The following SYTL2 variants were observed in gnomAD, a reference collection of about 807,000 sequenced individuals.
SYTL2 encodes synaptotagmin-like protein 2.
In SYTL2, 165 loss-of-function variants were observed where a neutral mutation model predicts 198.7. The observed-to-expected ratio is 0.83, with a 90% CI of 0.73 to 0.94. SYTL2 has a LOEUF of 0.94. SYTL2 is among the 40% of genes least tolerant of loss of function. The pLI is 0.00. For missense variants in SYTL2, 2,835 were observed against 2,582.8 expected (o/e 1.10, Z -2.12); for synonymous variants, 966 against 917.7 (o/e 1.05, Z -0.95).
chr11:85,744,785 AG>A (rs1434585978), intron 4 of SYTL2, among the ~76,000 whole-genome samples: 1 of 152,230 alleles, frequency 6.6e-6, no homozygotes, highest in African/African-American at 2.4e-5. Flanking sequence ...TACAGGTAAA[AG>A]GCAACTGCCC....
In SYTL2 at chr11:85,740,624, C is replaced by G. The variant is rs116458759; in HGVS notation, c.390-2968G>C. Among the ~76,000 whole-genome samples, 513 of 152,290 alleles carry G rather than the reference C, an allele frequency of 3.4e-3. 2 individuals carry two copies. Among genetic ancestry groups the G allele is most frequent in the African/African-American group, 0.012 (496 of 41,554 alleles). On this transcript the variant is annotated intron_variant, in intron 4 of 19. Coordinates refer to ENST00000359152, the MANE Select transcript of SYTL2 (RefSeq NM_206927.4). ...GACTGTGTCCTGAATATAAAAGATA[C>G]TCCATACATTCCACATGATAAGATT...
chr11:85,694,767 G>A lies in SYTL2; in HGVS notation c.*428C>T, dbSNP rs2083194208. On this transcript the variant is annotated 3_prime_UTR_variant, in exon 20 of 20. Coordinates refer to ENST00000359152, the MANE Select transcript of SYTL2 (RefSeq NM_206927.4). Reference sequence around the variant, plus strand: ...GTCTCCATTCCCTGCTCCACTTTGAGTATCTTTCTGCGACTTTTTCCCACA... The same window carrying A: ...GTCTCCATTCCCTGCTCCACTTTGAATATCTTTCTGCGACTTTTTCCCACA... 1 of 152,438 alleles carries A rather than the reference G, an allele frequency of 6.6e-6. No homozygotes were observed. The highest frequency in any genetic ancestry group is 1.9e-4 in the East Asian group (1 of 5,198). 9.4% of individuals were successfully genotyped at this position (152,438 alleles called of 1,614,324 possible).
intron 1 of SYTL2, among the ~76,000 whole-genome samples, chr11:85,766,225 A>G (rs1048039172): frequency 6.6e-6 from 1 of 152,118 alleles, no homozygotes; most frequent in Admixed American, 6.6e-5. Flanking sequence ...GGGAGTTTGA[A>G]CCTGAATTTT....
intron 2 of SYTL2, among the ~76,000 whole-genome samples, chr11:85,755,950 T>C (rs151134391): frequency 8.4e-4 from 128 of 152,274 alleles, no homozygotes; most frequent in African/African-American, 1.6e-3. Flanking sequence ...GTCCCAGCTC[T>C]ACTGCTTTCT....
chr11:85,710,992 T>C (rs1219449679), intron 13 of SYTL2, 121 bp downstream of exon 13: 22 of 1,084,650 alleles, frequency 2.0e-5, no homozygotes, highest in Non-Finnish European at 2.7e-5. Flanking sequence ...AATTATGGAT[T>C]AGAGAAACTG....
At chr11:85,784,265 G>A (rs765154835) in intron 1 of SYTL2, among the ~76,000 whole-genome samples, 10 of 152,096 alleles carry the variant, frequency 6.6e-5, no homozygotes, top group Non-Finnish European at 1.2e-4. Flanking sequence ...CAGAGACGGT[G>A]CAATGCAATG....
At chr11:85,777,787 C>CTTACCAGAA (rs1472466968) in intron 1 of SYTL2, among the ~76,000 whole-genome samples, 1 of 145,826 alleles carries the variant, frequency 6.9e-6, no homozygotes, top group African/African-American at 2.5e-5. Flanking sequence ...TAAGGTTTCA[C>CTTACCAGAA]TTACCAGAAT....
rs766985153 is a variant in SYTL2, at chr11:85,736,628, AT to A, written c.472-14del. On this transcript the variant is annotated splice_polypyrimidine_tract_variant and intron_variant, in intron 5 of 19. Transcript: ENST00000359152. The stretch of plus-strand genomic sequence containing the variant: ...GATTCTTCCTCTGCTGGGGACAAAT[AT>A]TGTTTATTAAACTTATTTTAAATGT... 3 of 1,389,906 alleles carry A rather than the reference AT, an allele frequency of 2.2e-6. No homozygotes were observed. The highest frequency in any genetic ancestry group is 3.1e-6 in the Non-Finnish European group (3 of 981,142). The allele number at this position is 1,389,906 out of a possible 1,614,324, so 86.1% of individuals were successfully genotyped here. A position where few individuals can be genotyped will look rare whatever the true frequency, so the allele number is the denominator to read the frequency against.
rs200291625 is a variant in SYTL2 at position 85,734,595 on chromosome 11, G to A, written c.734C>T (p.Ser245Leu). The A allele has an allele frequency of 1.8e-4, 293 of 1,614,074 alleles. No individual in the cohort carries two copies. The highest frequency in any genetic ancestry group is 9.4e-5 in the Non-Finnish European group (111 of 1,180,036). The part of the protein sequence containing the change: ...IPKARKMIYK[S>L]TDLNKDDNQS... ...GTTATCATCTTTGTTTAAATCAGTT[G>A]ATTTGTAGATCATCTTCCTGGCTTT... Residue 245 changes from serine to leucine, a missense_variant, in exon 7 of 20, where the codon TCA (serine) becomes TTA (leucine). Coordinates refer to ENST00000359152, the MANE Select transcript of SYTL2 (RefSeq NM_206927.4).
the SYTL2 span, among the ~76,000 whole-genome samples, chr11:85,850,976 T>C: frequency 7.4e-6 from 1 of 134,828 alleles, no homozygotes; most frequent in Non-Finnish European, 1.5e-5. Flanking sequence ...AACTGAACAA[T>C]GAGATCACAT....
intron 1 of SYTL2, among the ~76,000 whole-genome samples, chr11:85,771,074 A>G (rs2092345676): frequency 1.3e-5 from 2 of 152,234 alleles, no homozygotes; most frequent in Non-Finnish European, 1.5e-5. Flanking sequence ...TTTGTAACTT[A>G]TAGATATATC....
At chr11:85,750,381 G>A (rs1045730048) in intron 2 of SYTL2, among the ~76,000 whole-genome samples, 4 of 152,136 alleles carry the variant, frequency 2.6e-5, no homozygotes, top group Admixed American at 6.6e-5. Context: ...TCTCTGTCCA[G>A]CCCGTTGCTC....
rs1265655947 is a variant in SYTL2, at chr11:85,694,895, T to C, written c.*300A>G. ...ACAAGAACATTTTGCTTCTTAACAA[T>C]ACCCCATGTTTAATGCTCTGGGGCA... On this transcript the variant is annotated 3_prime_UTR_variant, in exon 20 of 20. Coordinates refer to ENST00000359152, the MANE Select transcript of SYTL2 (RefSeq NM_206927.4). 4 of 216,266 alleles carry C rather than the reference T, an allele frequency of 1.8e-5. No homozygotes were observed. The highest frequency in any genetic ancestry group is 1.0e-4 in the East Asian group (1 of 10,042). The allele number at this position is 216,266 out of a possible 1,614,324, so 13.4% of individuals were successfully genotyped here.
At chr11:85,790,547 ATTAT>A (rs1262557877) in intron 1 of SYTL2, among the ~76,000 whole-genome samples, 4 of 152,188 alleles carry the variant, frequency 2.6e-5, no homozygotes. Context: ...TTGTTCAACA[ATTAT>A]TTATTAAGTA....
At chr11:85,779,297 A>T (rs2092516129) in intron 1 of SYTL2, among the ~76,000 whole-genome samples, 1 of 152,118 alleles carries the variant, frequency 6.6e-6, no homozygotes, top group Admixed American at 6.5e-5. Context: ...GTTTATTGGG[A>T]GGGGGACAGC....
chr11:85,697,983 T>C lies in SYTL2; in HGVS notation c.6364A>G (p.Lys2122Glu). Residue 2122 changes from lysine (K) to glutamate (E), a missense_variant, in exon 18 of 20, where the codon AAA becomes GAA. Around this residue, in one of 3 missense-constraint regions of SYTL2, gnomAD observed 185 missense variants for 182.1 expected, o/e 1.02. Transcript: ENST00000359152. The stretch of plus-strand genomic sequence containing the variant: ...CAGAGTCATCAATACTATTACCATT[T>C]AACAAAAGAATTTAGATGACTTCCC... The part of the protein sequence containing the change: ...LRGSHLNSFV[K>E]CTILPDTSRK... The C allele has an allele frequency of 6.2e-7, 1 of 1,607,246 alleles. No homozygotes were observed. Among genetic ancestry groups the C allele is most frequent in the Non-Finnish European group, 8.5e-7 (1 of 1,173,846 alleles).
intron 17 of SYTL2, among the ~76,000 whole-genome samples, chr11:85,698,297 G>C (rs944291272): frequency 6.6e-6 from 1 of 152,110 alleles, no homozygotes; most frequent in Non-Finnish European, 1.5e-5. Context: ...TTGGCTTTAA[G>C]TACCAAGTAT....
At chr11:85,700,422 T>C in intron 17 of SYTL2, 93 bp downstream of exon 17, 1 of 968,106 alleles carries the variant, frequency 1.0e-6, no homozygotes, top group Non-Finnish European at 1.6e-6. Context: ...GATAAGTTTC[T>C]TTAGGGCCTC....
chr11:85,785,955 TG>T (rs2092629166), intron 1 of SYTL2, among the ~76,000 whole-genome samples: 1 of 152,232 alleles, frequency 6.6e-6, no homozygotes, highest in Non-Finnish European at 1.5e-5. Context: ...AAAAAAGTCC[TG>T]TTCATTCCAG....
Sources: gnomAD v4.1 joint callset for allele counts (sites outside exome capture counted in the v4.1 genomes callset) on GRCh38, gnomAD v4.1.1 for gene constraint, gnomAD v4.1.1 regional missense constraint, MANE v1.5 for transcripts, NCBI Gene and HGNC (gene_info 2026-07-23, HGNC 2026-07-21) for gene names.